Variants in TBC1D4 observed in about 807,000 individuals in gnomAD.
TBC1D4 encodes TBC1 domain family member 4.
In TBC1D4, 121 loss-of-function variants were observed where a neutral mutation model predicts 142.5. The ratio of observed to expected loss-of-function variants is 0.85; its 90% CI spans 0.73 to 0.99. The LOEUF (loss-of-function observed/expected upper bound fraction) is 0.99, where lower values mean the gene tolerates loss of function less well. Ranked by LOEUF, TBC1D4 falls within the 50% of genes least tolerant of loss-of-function variation. The probability of loss-of-function intolerance (pLI) is 0.00; values close to 1 mark genes in which losing one functional copy is unlikely to be tolerated. For synonymous variants in TBC1D4, 630 were observed against 628.2 expected, an observed-to-expected ratio of 1.00 and a Z score of -0.04; for missense variants, 1,475 against 1,606.6, an observed-to-expected ratio of 0.92 and a Z score of 1.40.
In TBC1D4 at chr13:75,481,683, C is replaced by T. The variant is rs373225108; in HGVS notation, c.85G>A (p.Gly29Arg). The change falls in exon 1 of 21, where the codon GGG (glycine) becomes AGG (arginine). Residue 29 changes from glycine (G) to arginine (R), a missense_variant. Gly to Arg is a moderately radical substitution (Grantham distance 125, BLOSUM62 -2). Transcript: ENST00000377636. Reference sequence around the variant, plus strand: ...CGGAACCGCTTATCGCTTGGCTTCCCGGGGCCGGGCTGAGCTGAGACGCCC... The same window carrying T: ...CGGAACCGCTTATCGCTTGGCTTCCTGGGGCCGGGCTGAGCTGAGACGCCC... ...EPGVSAQPGP[G>R]KPSDKRFRLW... 2 of 1,600,028 alleles carry T rather than the reference C, an allele frequency of 1.2e-6. No homozygotes were observed. Among genetic ancestry groups the T allele is most frequent in the Middle Eastern group, 1.7e-4 (1 of 6,014 alleles).
intron 1 of TBC1D4, among the ~76,000 whole-genome samples, chr13:75,367,964 G>A (rs1883015533): frequency 6.6e-6 from 1 of 152,146 alleles, no homozygotes. Flanking sequence ...CATTTTTCCA[G>A]CTCCAGTAGC....
intron 1 of TBC1D4, among the ~76,000 whole-genome samples, chr13:75,475,960 T>C (rs2138345030): frequency 6.6e-6 from 1 of 152,296 alleles, no homozygotes; most frequent in East Asian, 1.9e-4. Flanking sequence ...TTTATGTTTC[T>C]GGCTGGGTGC....
In TBC1D4 at chr13:75,398,651, A is replaced by G. The variant is rs117909219; in HGVS notation, c.499-36044T>C. The stretch of plus-strand genomic sequence containing the variant: ...GAAAAGCAGAAATCAGAGGGAATAT[A>G]AAGGACCCAAAACGTTATGGGTCCA... On this transcript the variant is annotated intron_variant, in intron 1 of 20. Transcript: ENST00000377636. Among the ~76,000 whole-genome samples, 336 of 152,332 alleles carry G rather than the reference A, an allele frequency of 2.2e-3. 9 individuals are homozygous for G. The East Asian group carries it at 0.048, about 22-fold the overall frequency.
chr13:75,453,651 C>T (rs1441866900), intron 1 of TBC1D4, among the ~76,000 whole-genome samples: 2 of 152,116 alleles, frequency 1.3e-5, no homozygotes, highest in African/African-American at 4.8e-5. Flanking sequence ...CACTTGAGGT[C>T]AGGTGTTCAA....
chr13:75,374,846 G>A (rs1158636580), intron 1 of TBC1D4, among the ~76,000 whole-genome samples: 1 of 152,072 alleles, frequency 6.6e-6, no homozygotes, highest in Admixed American at 6.5e-5. Context: ...TGACGTATCA[G>A]CTATAATAGA....
At chr13:75,358,950 A>G (rs1468105838) in intron 3 of TBC1D4, among the ~76,000 whole-genome samples, 1 of 152,202 alleles carries the variant, frequency 6.6e-6, no homozygotes, top group East Asian at 1.9e-4. Context: ...TACCTATAGC[A>G]ATGCTAACTT....
chr13:75,481,218 C>T (rs1386699224), intron 1 of TBC1D4, 52 bp downstream of exon 1: 2 of 1,551,746 alleles, frequency 1.3e-6, no homozygotes, highest in Non-Finnish European at 1.7e-6. Context: ...CGCCCTGCTC[C>T]CCGATCCCCC....
At chr13:75,394,445 A>G (rs1680806674) in intron 1 of TBC1D4, among the ~76,000 whole-genome samples, 1 of 152,208 alleles carries the variant, frequency 6.6e-6, no homozygotes, top group East Asian at 1.9e-4. Context: ...ATTGACAATC[A>G]TGGAAAGAAC....
At position 75,437,245 on chromosome 13, in the gene TBC1D4, G is replaced by C. The variant is rs148455309; in HGVS notation, c.498+44025C>G. ...CATTTATTTCCCAATTTTTATGGTAGCACGGTGGTTATCTAATGGTGTCCT... is the reference window on the plus strand; with the variant it reads ...CATTTATTTCCCAATTTTTATGGTACCACGGTGGTTATCTAATGGTGTCCT... On this transcript the variant is annotated intron_variant, in intron 1 of 20. Coordinates refer to ENST00000377636, the MANE Select transcript of TBC1D4 (RefSeq NM_014832.5). 7.2e-3 allele frequency among the ~76,000 whole-genome samples: 1,098 copies of C among 152,270 alleles called. 12 individuals carry two copies. The highest frequency in any genetic ancestry group is 0.024 in the African/African-American group (1,012 of 41,530).
At chr13:75,340,219 G>C (rs1445437109) in intron 7 of TBC1D4, among the ~76,000 whole-genome samples, 1 of 152,172 alleles carries the variant, frequency 6.6e-6, no homozygotes, top group East Asian at 1.9e-4. Context: ...CTAAATGAAG[G>C]ACTGTGTACT....
intron 10 of TBC1D4, 30 bp downstream of exon 10, chr13:75,326,167 A>G (rs749215838): frequency 3.1e-6 from 5 of 1,609,380 alleles, no homozygotes; most frequent in East Asian, 4.5e-5. Context: ...TTGAGAATCT[A>G]GGTCTCATTC....
Position 75,377,712 on chromosome 13 carries a change from A to G in TBC1D4, c.499-15105T>C, listed in dbSNP as rs549606787. On this transcript the variant is annotated intron_variant, in intron 1 of 20. Transcript: ENST00000377636. ...TCTTTTAAATATATATTATATATATATATATTTTCTGATTGGTCTTTATCA... is the reference window on the plus strand; with the variant it reads ...TCTTTTAAATATATATTATATATATGTATATTTTCTGATTGGTCTTTATCA... Among the ~76,000 whole-genome samples the G allele has an allele frequency of 6.7e-5, 10 of 148,842 alleles. No individual in the cohort carries two copies. In the South Asian group the frequency reaches 2.1e-3, roughly 31 times the overall value.
intron 1 of TBC1D4, among the ~76,000 whole-genome samples, chr13:75,439,953 C>A (rs1429842589): frequency 1.3e-5 from 2 of 152,156 alleles, no homozygotes; most frequent in Admixed American, 6.5e-5. Flanking sequence ...TCATTAACAT[C>A]TGACTATAAA....
chr13:75,381,098 C>T (rs753432803), intron 1 of TBC1D4, among the ~76,000 whole-genome samples: 6 of 152,244 alleles, frequency 3.9e-5, no homozygotes, highest in Non-Finnish European at 7.4e-5. Context: ...GTATAAAGCA[C>T]CTAACATTGT....
chr13:75,312,766 G>T lies in TBC1D4; in HGVS notation c.2355C>A (p.Asn785Lys). 6.2e-7 allele frequency: 1 copy of T among 1,614,162 alleles called. No homozygotes were observed. Among genetic ancestry groups the T allele is most frequent in the South Asian group, 1.1e-5 (1 of 91,084 alleles). The change falls in exon 13 of 21, where the codon AAC (asparagine) becomes AAA (lysine). Residue 785 changes from asparagine (N) to lysine (K), a missense_variant. This residue lies in a region of TBC1D4 where 1,227 missense variants were observed against 1,267.7 expected (regional missense o/e 0.97). Coordinates refer to ENST00000377636, the MANE Select transcript of TBC1D4 (RefSeq NM_014832.5). Reference sequence around the variant, plus strand: ...GCTGTTGCATTGCTGAGGGAGATTTGTTCATGGGAGAAGCAACCCTGAGGA... The same window carrying T: ...GCTGTTGCATTGCTGAGGGAGATTTTTTCATGGGAGAAGCAACCCTGAGGA... ...RIFLRVASPM[N>K]KSPSAMQQQD...
intron 1 of TBC1D4, among the ~76,000 whole-genome samples, chr13:75,405,208 G>T (rs1400947077): frequency 6.6e-6 from 1 of 150,486 alleles, no homozygotes; most frequent in African/African-American, 2.4e-5. Flanking sequence ...GCAAAAAAAT[G>T]CAATTCATAC....
chr13:75,448,962 G>A (rs1010653931), intron 1 of TBC1D4, among the ~76,000 whole-genome samples: 3 of 152,012 alleles, frequency 2.0e-5, no homozygotes, highest in Non-Finnish European at 2.9e-5. Context: ...CTCCTAAAAT[G>A]TGAAAGTGAC....
At chr13:75,288,828 G>C (rs554748907) in intron 20 of TBC1D4, 106 bp downstream of exon 20, 164 of 1,202,566 alleles carry the variant, frequency 1.4e-4, no homozygotes, top group Non-Finnish European at 1.9e-4. Flanking sequence ...TGGGCTCTTG[G>C]TTAGCAATGG....
In TBC1D4 at chr13:75,285,712, T is replaced by C. The variant is rs1178726207; in HGVS notation, c.*1080A>G. Reference sequence around the variant, plus strand: ...TTTTCACATAAAAGGGGAAGATTATTAAAGCTTATTAGATTCTGTCAATTG... The same window carrying C: ...TTTTCACATAAAAGGGGAAGATTATCAAAGCTTATTAGATTCTGTCAATTG... On this transcript the variant is annotated 3_prime_UTR_variant, in exon 21 of 21. Coordinates refer to ENST00000377636, the MANE Select transcript of TBC1D4 (RefSeq NM_014832.5). The C allele has an allele frequency of 2.0e-5, 3 of 152,670 alleles. No individual in the cohort carries two copies. The highest frequency in any genetic ancestry group is 2.9e-5 in the Non-Finnish European group (2 of 68,048). The allele number at this position is 152,670 out of a possible 1,614,324, so 9.5% of individuals were successfully genotyped here.
Sources: allele counts gnomAD v4.1 joint callset (sites outside exome capture counted in the v4.1 genomes callset), GRCh38; gene constraint gnomAD v4.1.1; regional missense constraint gnomAD v4.1.1; transcripts MANE v1.5; gene names NCBI Gene and HGNC (gene_info 2026-07-23, HGNC 2026-07-21).